PTPN3: variants seen among roughly 807,000 people sequenced by gnomAD.
PTPN3 encodes the protein tyrosine-protein phosphatase non-receptor type 3.
In PTPN3, 96 loss-of-function variants were observed where a neutral mutation model predicts 132.7. The ratio of observed to expected loss-of-function variants is 0.72; its 90% CI spans 0.61 to 0.86. The LOEUF (loss-of-function observed/expected upper bound fraction) is 0.86, where lower values mean the gene tolerates loss of function less well. Ranked by LOEUF, PTPN3 falls within the 40% of genes least tolerant of loss-of-function variation. PTPN3 has a pLI of 0.00. For missense variants in PTPN3, 1,125 were observed against 1,159.6 expected (o/e 0.97, Z 0.43); for synonymous variants, 398 against 429.0 (o/e 0.93, Z 0.89).
chr9:109,516,355 G>A, the PTPN3 span, among the ~76,000 whole-genome samples: 1 of 152,314 alleles, frequency 6.6e-6, no homozygotes, highest in African/African-American at 2.4e-5. Context: ...CGATACTGAG[G>A]GAGTGGAGAC....
At chr9:109,463,477 T>A (rs368142216) in intron 1 of PTPN3, 26 bp from the exon 2 acceptor site, 1 of 1,582,618 alleles carries the variant, frequency 6.3e-7, no homozygotes, top group Non-Finnish European at 8.6e-7. Flanking sequence ...TACCTGTTAG[T>A]GCTTTAATAT....
intron 5 of PTPN3, among the ~76,000 whole-genome samples, chr9:109,452,723 C>T (rs1845337574): frequency 6.6e-6 from 1 of 152,010 alleles, no homozygotes; most frequent in African/African-American, 2.4e-5. Context: ...CACCTGACTA[C>T]TTTTTTATTT....
chr9:109,436,946 T>G lies in PTPN3; in HGVS notation c.612A>C (p.Glu204Asp). ...QHSGLKQSEAESCYINIARTL... is the reference protein window; with the variant it reads ...QHSGLKQSEADSCYINIARTL... ...TCCGCGCTATGTTGATATAGCAGGA[T>G]TCTGCTTCTGATTGTTTTAGCCCAC... The change falls in exon 9 of 26, where the codon GAA becomes GAC. Residue 204 changes from glutamate (E) to aspartate (D), a missense_variant. By Grantham distance (45) the Glu-to-Asp change is conservative. Transcript: ENST00000374541. 1 of 1,614,130 alleles carries G rather than the reference T, an allele frequency of 6.2e-7. No individual in the cohort carries two copies. Among genetic ancestry groups the G allele is most frequent in the Non-Finnish European group, 8.5e-7 (1 of 1,179,986 alleles).
intron 16 of PTPN3, among the ~76,000 whole-genome samples, chr9:109,409,573 T>C (rs1841903520): frequency 6.6e-6 from 1 of 152,038 alleles, no homozygotes; most frequent in Middle Eastern, 3.2e-3. Flanking sequence ...ACGCCTGTAA[T>C]CCCGGCACTT....
chr9:109,409,344 C>T (rs1841885356), intron 16 of PTPN3, among the ~76,000 whole-genome samples: 1 of 152,066 alleles, frequency 6.6e-6, no homozygotes, highest in African/African-American at 2.4e-5. Context: ...GTGGGTAGAT[C>T]TGTTTGCCAA....
At chr9:109,438,295 T>A in intron 7 of PTPN3, 61 bp from the exon 8 acceptor site, 1 of 1,522,250 alleles carries the variant, frequency 6.6e-7, no homozygotes, top group Non-Finnish European at 9.0e-7. Flanking sequence ...ATGGTTTGCA[T>A]TTATAAGCAT....
At chr9:109,459,280 T>A (rs544294035) in intron 2 of PTPN3, among the ~76,000 whole-genome samples, 3 of 152,386 alleles carry the variant, frequency 2.0e-5, no homozygotes, top group Admixed American at 2.0e-4. Context: ...GAAGAACGAC[T>A]GATATCCAAG....
chr9:109,526,879 G>C, the PTPN3 span, among the ~76,000 whole-genome samples: 1 of 152,208 alleles, frequency 6.6e-6, no homozygotes, highest in Non-Finnish European at 1.5e-5. Context: ...ATGGTCATTG[G>C]ATTTATGACA....
At chr9:109,408,805 ATATATATATATATGGGCTT>A (rs1564404299) in intron 16 of PTPN3, among the ~76,000 whole-genome samples, 11 of 138,864 alleles carry the variant, frequency 7.9e-5, no homozygotes, top group Middle Eastern at 3.7e-3. Context: ...AAATATATAT[ATATATATATATATGGGCTT>A]TATATATATA....
the PTPN3 span, among the ~76,000 whole-genome samples, chr9:109,520,118 C>G: frequency 6.7e-6 from 1 of 149,046 alleles, no homozygotes; most frequent in Non-Finnish European, 1.5e-5. Context: ...GAGATGGCGC[C>G]ACTGCACTCC....
At chr9:109,455,227 G>A (rs914602001) in intron 4 of PTPN3, among the ~76,000 whole-genome samples, 8 of 152,100 alleles carry the variant, frequency 5.3e-5, no homozygotes, top group Non-Finnish European at 8.8e-5. Context: ...ATTCAAATAC[G>A]GCTTTATGCA....
At chr9:109,396,984 G>T (rs1840658944) in intron 19 of PTPN3, among the ~76,000 whole-genome samples, 1 of 152,120 alleles carries the variant, frequency 6.6e-6, no homozygotes, top group Non-Finnish European at 1.5e-5. Flanking sequence ...GCAAGTGGAA[G>T]CAAGCACTCC....
chr9:109,474,314 T>C (rs1846530574), intron 1 of PTPN3, among the ~76,000 whole-genome samples: 1 of 152,220 alleles, frequency 6.6e-6, no homozygotes, highest in African/African-American at 2.4e-5. Context: ...TTGTCAATCT[T>C]GTTTACAATT....
chr9:109,408,796 A>AAAAT (rs1377996219), intron 16 of PTPN3, among the ~76,000 whole-genome samples: 27 of 108,358 alleles, frequency 2.5e-4, no homozygotes, highest in African/African-American at 9.7e-4. Flanking sequence ...AAAAAAAAAA[A>AAAAT]ATATATATAT....
chr9:109,382,368 A>G lies in PTPN3; in HGVS notation c.2462T>C (p.Phe821Ser). The change falls in exon 24 of 26, where the codon TTT (phenylalanine) becomes TCT (serine). Residue 821 changes from phenylalanine to serine, a missense_variant. By Grantham distance (155) the Phe-to-Ser change is radical. Transcript: ENST00000374541. ...DHGVPDDSSD[F>S]LEFVNYVRSL... ...CCTCACATAGTTTACAAATTCCAGA[A>G]AGTCGGAGGAGTCATCGGGCACACC... 1 of 1,614,106 alleles carries G rather than the reference A, an allele frequency of 6.2e-7. No homozygotes were observed. The highest frequency in any genetic ancestry group is 8.5e-7 in the Non-Finnish European group (1 of 1,179,950).
intron 1 of PTPN3, among the ~76,000 whole-genome samples, chr9:109,494,314 T>A (rs1847586972): frequency 6.6e-6 from 1 of 152,042 alleles, no homozygotes; most frequent in African/African-American, 2.4e-5. Flanking sequence ...CCACAAAAAA[T>A]AAAAAATTAG....
rs1441618519 is a variant in PTPN3, at chr9:109,437,631, C to T, written c.587+483G>A. Reference sequence around the variant, plus strand: ...TTGGAGCTGAGGCTCGCAACAAATACGCAGGGGCAACTGCAGAAGACTCAT... The same window carrying T: ...TTGGAGCTGAGGCTCGCAACAAATATGCAGGGGCAACTGCAGAAGACTCAT... On this transcript the variant is annotated intron_variant, in intron 8 of 25. Coordinates refer to ENST00000374541, the MANE Select transcript of PTPN3 (RefSeq NM_002829.4). Among the ~76,000 whole-genome samples, 6 of 152,294 alleles carry T rather than the reference C, an allele frequency of 3.9e-5. No individual in the cohort carries two copies. In the East Asian group the frequency reaches 7.7e-4, roughly 20 times the overall value.
At chr9:109,454,642 C>T (rs1459061880) in intron 4 of PTPN3, 68 bp from the exon 5 acceptor site, 6 of 1,255,694 alleles carry the variant, frequency 4.8e-6, no homozygotes, top group South Asian at 1.2e-5. Flanking sequence ...AGTTGCTTCT[C>T]TTCCATAAGT....
intron 4 of PTPN3, among the ~76,000 whole-genome samples, chr9:109,455,316 A>G (rs938858652): frequency 6.6e-6 from 1 of 152,202 alleles, no homozygotes; most frequent in Non-Finnish European, 1.5e-5. Flanking sequence ...GGAGAAGATC[A>G]GATTGTGCTG....
Sources: allele counts gnomAD v4.1 joint callset (sites outside exome capture counted in the v4.1 genomes callset), GRCh38; gene constraint gnomAD v4.1.1; transcripts MANE v1.5; gene names NCBI Gene and HGNC (gene_info 2026-07-23, HGNC 2026-07-21).